IPO4: variants seen among roughly 807,000 people sequenced by gnomAD.
IPO4 encodes the protein importin 4.
IPO4 carries 91 observed loss-of-function variants against 133.5 expected under a neutral mutation model. The ratio of observed to expected loss-of-function variants is 0.68; its 90% CI spans 0.58 to 0.81. The LOEUF (loss-of-function observed/expected upper bound fraction) is 0.81, where lower values mean the gene tolerates loss of function less well. Ranked by LOEUF, IPO4 falls within the 30% of genes least tolerant of loss-of-function variation. The pLI is 0.00. For synonymous variants in IPO4, 607 were observed against 581.6 expected (o/e 1.04, Z -0.63); for missense variants, 1,279 against 1,386.2 (o/e 0.92, Z 1.23).
chr14:24,180,806 G>C, intron 28 of IPO4, 48 bp from the exon 29 acceptor site: 1 of 1,567,060 alleles, frequency 6.4e-7, no homozygotes. Flanking sequence ...CAGACCCCAG[G>C]TCTAGGAGGG....
rs759963061 is a variant in IPO4, at chr14:24,183,517, CAGAG to C, written c.2064-8_2064-5del. 3 of 1,614,018 alleles carry C rather than the reference CAGAG, an allele frequency of 1.9e-6. No individual in the cohort carries two copies. Among genetic ancestry groups the C allele is most frequent in the Admixed American group, 1.7e-5 (1 of 59,996 alleles). ...CATGTATGGAAGGAAGGCCACACTA[CAGAG>C]AGAGACACAGCCGTGGGTAAGGGGC... On this transcript the variant is annotated splice_polypyrimidine_tract_variant and splice_region_variant and intron_variant, in intron 20 of 29. Coordinates refer to ENST00000354464, the MANE Select transcript of IPO4 (RefSeq NM_024658.4).
intron 28 of IPO4, 96 bp from the exon 29 acceptor site, chr14:24,180,854 G>C: frequency 1.8e-5 from 18 of 985,794 alleles, no homozygotes; most frequent in Non-Finnish European, 2.5e-5. Flanking sequence ...TCTTATCAGG[G>C]GGGTGGTTGC....
chr14:24,185,387 G>A (rs915182959), intron 13 of IPO4, 72 bp downstream of exon 13: 1 of 1,610,980 alleles, frequency 6.2e-7, no homozygotes, highest in Non-Finnish European at 8.5e-7. Flanking sequence ...TGGCAGCAGG[G>A]ATGCTTGAAG....
intron 18 of IPO4, 21 bp downstream of exon 18, chr14:24,183,977 G>GCCCCCCCCCCCCCCCCCCCCCCTCCC: frequency 2.2e-6 from 1 of 452,246 alleles, no homozygotes; most frequent in Non-Finnish European, 3.4e-6. Flanking sequence ...GCCTGGCCCA[G>GCCCCCCCCCCCCCCCCCCCCCCTCCC]CCCACCCACC....
rs768999486 is a variant in IPO4, at chr14:24,188,642, G to A, written c.70-4C>T. 1.2e-6 allele frequency: 2 copies of A among 1,610,020 alleles called. No individual in the cohort carries two copies. The highest frequency in any genetic ancestry group is 1.3e-5 in the African/African-American group (1 of 74,864). On this transcript the variant is annotated splice_region_variant and splice_polypyrimidine_tract_variant and intron_variant, in intron 1 of 29. Transcript: ENST00000354464. Reference sequence around the variant, plus strand: ...CGATCTGGAGCTGTTCCGTGGCCTGGGGGGAAGCTAGGGGTGAGAGTTGGG... The same window carrying A: ...CGATCTGGAGCTGTTCCGTGGCCTGAGGGGAAGCTAGGGGTGAGAGTTGGG...
intron 4 of IPO4, 73 bp from the exon 5 acceptor site, chr14:24,187,869 G>C (rs2039248889): frequency 1.3e-6 from 2 of 1,581,164 alleles, no homozygotes; most frequent in South Asian, 2.3e-5. Flanking sequence ...GGCTCAATGG[G>C]GCAGCCAGGA....
rs1319413589 is a variant in IPO4, at chr14:24,187,423, G to A, written c.565C>T (p.Pro189Ser). The A allele has an allele frequency of 6.2e-7, 1 of 1,614,172 alleles. No individual in the cohort carries two copies. The highest frequency in any genetic ancestry group is 8.5e-7 in the Non-Finnish European group (1 of 1,180,036). ...ACCACATCTTCAGTGCTGAGGTAGG[G>A]AGCCATGGTGGTCAGAGTGCGCAGG... ...YSLRTLTTMA[P>S]YLSTEDVPLA... The change falls in exon 6 of 30, where the codon CCC (proline) becomes TCC (serine). Residue 189 changes from proline to serine, a missense_variant. Around this residue, in one of 3 missense-constraint regions of IPO4, gnomAD observed 695 missense variants for 704.1 expected, o/e 0.99. Transcript: ENST00000354464.
chr14:24,181,308 C>T (rs1275595907), intron 28 of IPO4, among the ~76,000 whole-genome samples: 1 of 152,238 alleles, frequency 6.6e-6, no homozygotes, highest in Non-Finnish European at 1.5e-5. Context: ...GAAAGGAAGT[C>T]CCTCCTGTCC....
chr14:24,181,138 C>T (rs145222027), intron 28 of IPO4, among the ~76,000 whole-genome samples: 504 of 152,306 alleles, frequency 3.3e-3, no homozygotes, highest in South Asian at 7.2e-3. Context: ...CAGAGCTGAT[C>T]TGATTGAAAT....
In IPO4 at chr14:24,181,598, T is replaced by A. The variant is rs2138807398; in HGVS notation, c.2960A>T (p.His987Leu). 1 of 1,613,618 alleles carries A rather than the reference T, an allele frequency of 6.2e-7. No homozygotes were observed. Among genetic ancestry groups the A allele is most frequent in the Non-Finnish European group, 8.5e-7 (1 of 1,179,806 alleles). The change falls in exon 28 of 30, where the codon CAT becomes CTT. Residue 987 changes from histidine to leucine, a missense_variant. Around this residue, in one of 3 missense-constraint regions of IPO4, gnomAD observed 575 missense variants for 653.4 expected, o/e 0.88. Transcript: ENST00000354464. ...CAAGTCCTCCTTCAGTGGCAGGGCATGCAGTAGGGCAGCCAGCACCTGGGC... is the reference window on the plus strand; with the variant it reads ...CAAGTCCTCCTTCAGTGGCAGGGCAAGCAGTAGGGCAGCCAGCACCTGGGC... ...PEPQVLAALL[H>L]ALPLKEDLEE...
chr14:24,181,176 T>G (rs1241313957), intron 28 of IPO4, among the ~76,000 whole-genome samples: 5 of 152,172 alleles, frequency 3.3e-5, no homozygotes, highest in Admixed American at 3.3e-4. Context: ...AGAGGTACCC[T>G]GGGCTCCACA....
At position 24,182,842 on chromosome 14, in the gene IPO4, T is replaced by C. The variant is rs2039161623; in HGVS notation, c.2422A>G (p.Thr808Ala). ...GVLKAVLQRK[T>A]ACQDTDEEEE... ...TCCTCGTCAGTATCCTGACAGGCTGTCTACAAGAAGTAGCTCAACTTAGCG... is the reference window on the plus strand; with the variant it reads ...TCCTCGTCAGTATCCTGACAGGCTGCCTACAAGAAGTAGCTCAACTTAGCG... Residue 808 changes from threonine (T) to alanine (A), a missense_variant and splice_region_variant, in exon 24 of 30, where the codon ACA becomes GCA. Coordinates refer to ENST00000354464, the MANE Select transcript of IPO4 (RefSeq NM_024658.4). The C allele has an allele frequency of 6.2e-7, 1 of 1,614,080 alleles. No homozygotes were observed. The highest frequency in any genetic ancestry group is 8.5e-7 in the Non-Finnish European group (1 of 1,180,022).
At chr14:24,185,629 C>A in intron 12 of IPO4, 62 bp from the exon 13 acceptor site, 1 of 1,438,634 alleles carries the variant, frequency 7.0e-7, no homozygotes, top group Non-Finnish European at 9.7e-7. Context: ...CTAGGCTGAC[C>A]TGTTCTCTTC....
At chr14:24,184,534 C>T (rs1437957852) in intron 16 of IPO4, 116 bp from the exon 17 acceptor site, 4 of 1,440,806 alleles carry the variant, frequency 2.8e-6, no homozygotes, top group Non-Finnish European at 3.7e-6. Flanking sequence ...GCATGAAGCA[C>T]ACCCCTTTGA....
chr14:24,186,096 G>A, intron 11 of IPO4, 33 bp downstream of exon 11: 1 of 1,612,780 alleles, frequency 6.2e-7, no homozygotes, highest in East Asian at 2.2e-5. Flanking sequence ...ACACTTGGAG[G>A]TAGGGACACC....
chr14:24,187,904 A>G, intron 4 of IPO4, 108 bp from the exon 5 acceptor site: 12 of 1,423,444 alleles, frequency 8.4e-6, no homozygotes, highest in Non-Finnish European at 1.2e-5. Context: ...AGGTGTGGGC[A>G]CAGGGTCTTT....
In IPO4 at chr14:24,185,978, A is replaced by G. The variant is rs532015275; in HGVS notation, c.1060-8T>C. On this transcript the variant is annotated splice_polypyrimidine_tract_variant and splice_region_variant and intron_variant, in intron 11 of 29. Coordinates refer to ENST00000354464, the MANE Select transcript of IPO4 (RefSeq NM_024658.4). ...CTCTTCCAACATGGGCATCTAGGGAAGCATGTGGCACGCTTCTGAAACCCC... is the reference window on the plus strand; with the variant it reads ...CTCTTCCAACATGGGCATCTAGGGAGGCATGTGGCACGCTTCTGAAACCCC... 1 of 1,612,894 alleles carries G rather than the reference A, an allele frequency of 6.2e-7. No individual in the cohort carries two copies. The highest frequency in any genetic ancestry group is 2.2e-5 in the East Asian group (1 of 44,872).
At chr14:24,183,538 G>T (rs753287165) in intron 20 of IPO4, 25 bp from the exon 21 acceptor site, 1 of 1,614,060 alleles carries the variant, frequency 6.2e-7, no homozygotes, top group South Asian at 1.1e-5. Context: ...ACAGCCGTGG[G>T]TAAGGGGCCC....
rs752477668 is a variant in IPO4, at chr14:24,184,304, C to T, written c.1751G>A (p.Arg584His). The change falls in exon 17 of 30, where the codon CGC becomes CAC. Residue 584 changes from arginine (R) to histidine (H), a missense_variant. Arg to His is a conservative substitution (Grantham distance 29, BLOSUM62 0). Coordinates refer to ENST00000354464, the MANE Select transcript of IPO4 (RefSeq NM_024658.4). ...CDQVDDPDLR[R>H]CTYSLFAALS... The stretch of plus-strand genomic sequence containing the variant: ...AGGGTGAGGGGTCACTCACGTGCAG[C>T]GCCGCAAGTCAGGGTCGTCTACCTG... The T allele has an allele frequency of 5.1e-6, 8 of 1,581,916 alleles. No homozygotes were observed. In the East Asian group the frequency reaches 7.0e-5, roughly 14 times the overall value.
Sources: allele counts gnomAD v4.1 joint callset (sites outside exome capture counted in the v4.1 genomes callset), GRCh38; gene constraint gnomAD v4.1.1; regional missense constraint gnomAD v4.1.1; transcripts MANE v1.5; gene names NCBI Gene and HGNC (gene_info 2026-07-23, HGNC 2026-07-21).